OSMR: variants seen among roughly 807,000 people sequenced by gnomAD.
OSMR encodes oncostatin M receptor, also known as oncostatin-M-specific receptor subunit beta.
A neutral mutation model predicts 99.9 loss-of-function variants in OSMR; 81 were observed. The observed-to-expected ratio is 0.81, with a 90% confidence interval of 0.68 to 0.97. The LOEUF is 0.97. Ranked by LOEUF, OSMR falls within the 50% of genes least tolerant of loss-of-function variation. The probability of loss-of-function intolerance (pLI) is 0.00; values close to 1 mark genes in which losing one functional copy is unlikely to be tolerated. For synonymous variants in OSMR, 406 were observed against 410.4 expected, an observed-to-expected ratio of 0.99 and a Z score of 0.13; for missense variants, 1,099 against 1,153.4, an observed-to-expected ratio of 0.95 and a Z score of 0.68.
intron 1 of OSMR, among the ~76,000 whole-genome samples, chr5:38,862,602 G>A (rs1479047304): frequency 1.1e-4 from 17 of 151,344 alleles, no homozygotes; most frequent in South Asian, 4.2e-4. Context: ...CTCCCAGACC[G>A]GGTCGCGGCC....
intron 7 of OSMR, among the ~76,000 whole-genome samples, chr5:38,888,976 C>T (rs112993075): frequency 0.026 from 3,978 of 152,032 alleles, 82 homozygotes; most frequent in South Asian, 0.075. Context: ...CCTTGAGTAT[C>T]GTGAATTTTA....
rs1432375383 is a variant in OSMR, at chr5:38,935,391, G to A, written c.*1947G>A. On this transcript the variant is annotated 3_prime_UTR_variant, in exon 18 of 18. Coordinates refer to ENST00000274276, the MANE Select transcript of OSMR (RefSeq NM_003999.3). ...TTGATTATGTGCTCCTCACGTAGTA[G>A]AAAGCGGTATCCTGATTAGTCTAAC... is the stretch of plus-strand genomic sequence containing the variant. 1.3e-5 allele frequency: 2 copies of A among 151,882 alleles called. No individual in the cohort carries two copies. The highest frequency in any genetic ancestry group is 2.4e-5 in the African/African-American group (1 of 41,216). The allele number at this position is 151,882 out of a possible 1,614,324, so 9.4% of individuals were successfully genotyped here.
intron 1 of OSMR, chr5:38,942,046 C>G (rs1747625387): frequency 2.9e-6 from 1 of 345,646 alleles, no homozygotes; most frequent in Non-Finnish European, 5.2e-6. Context: ...TTGGCTCTTG[C>G]ATACAATGGT....
At chr5:38,862,393 G>A (rs369341017) in intron 1 of OSMR, among the ~76,000 whole-genome samples, 844 of 29,196 alleles carry the variant, frequency 0.029, 33 homozygotes, top group African/African-American at 0.11. Context: ...CTCACCTCCC[G>A]GATGGGGCGG....
At position 38,935,581 on chromosome 5, in the gene OSMR, G is replaced by A. The variant is rs956408260; in HGVS notation, c.*2137G>A. 6.6e-6 allele frequency: 1 copy of A among 152,028 alleles called. No individual in the cohort carries two copies. Among genetic ancestry groups the A allele is most frequent in the Non-Finnish European group, 1.5e-5 (1 of 68,000 alleles). 9.4% of individuals were successfully genotyped at this position (152,028 alleles called of 1,614,324 possible). ...TAGTTTTGTTTAAAAAATAATTCAC[G>A]CAAAATCTTGAAGTCATTTTTGCTA... On this transcript the variant is annotated 3_prime_UTR_variant, in exon 18 of 18. Transcript: ENST00000274276.
At chr5:38,883,614 C>A in intron 4 of OSMR, 1 of 717,230 alleles carries the variant, frequency 1.4e-6, no homozygotes, top group South Asian at 6.3e-5. Flanking sequence ...GTAAGAGCAA[C>A]AGCAGTGGTA....
chr5:38,903,573 A>G (rs1204441049), intron 7 of OSMR, among the ~76,000 whole-genome samples: 2 of 152,144 alleles, frequency 1.3e-5, no homozygotes, highest in Non-Finnish European at 2.9e-5. Flanking sequence ...AGTTCTGTTA[A>G]AATTCTCCGC....
rs372941780 is a variant in OSMR, at chr5:38,876,712, G to C, written c.246+339G>C. 3.5e-4 allele frequency among the ~76,000 whole-genome samples: 53 copies of C among 152,168 alleles called. 1 individual carries two copies. Among genetic ancestry groups the C allele is most frequent in the African/African-American group, 1.1e-3 (46 of 41,502 alleles). On this transcript the variant is annotated intron_variant, in intron 3 of 17. Transcript: ENST00000274276. ...CATTCCTCCTACCTCTTTCTTCTCC[G>C]TCCTCCAGAGATTTTCCTAAATAAG...
intron 1 of OSMR, chr5:38,940,941 G>T: frequency 4.3e-6 from 1 of 232,346 alleles, no homozygotes. Flanking sequence ...ATACACAAAT[G>T]AATTAAAAAA....
chr5:38,882,509 A>T (rs1743369393), intron 4 of OSMR, among the ~76,000 whole-genome samples: 1 of 152,060 alleles, frequency 6.6e-6, no homozygotes, highest in South Asian at 2.1e-4. Context: ...CAGGAGGCAG[A>T]GGTTGCAGTG....
At chr5:38,885,519 T>C (rs1271120377) in intron 6 of OSMR, 35 bp downstream of exon 6, 2 of 1,613,180 alleles carry the variant, frequency 1.2e-6, no homozygotes, top group Non-Finnish European at 8.5e-7. Context: ...TGACAACTTC[T>C]TCCTTGCTTG....
chr5:38,852,966 C>T (rs886302233), intron 1 of OSMR, among the ~76,000 whole-genome samples: 75 of 151,632 alleles, frequency 4.9e-4, no homozygotes, highest in African/African-American at 1.7e-3. Flanking sequence ...CTCCTGACCT[C>T]GTGATCCGCC....
intron 9 of OSMR, among the ~76,000 whole-genome samples, chr5:38,916,414 G>C (rs1745899766): frequency 6.6e-6 from 1 of 152,178 alleles, no homozygotes; most frequent in African/African-American, 2.4e-5. Flanking sequence ...TGGGTGATTT[G>C]AGAAATTAAC....
At chr5:38,925,745 A>G (rs1176072454) in intron 15 of OSMR, among the ~76,000 whole-genome samples, 1 of 152,184 alleles carries the variant, frequency 6.6e-6, no homozygotes, top group Admixed American at 6.5e-5. Flanking sequence ...TCTAGAGAAG[A>G]GTGGTGCTGG....
At chr5:38,892,181 C>T (rs1579722856) in intron 7 of OSMR, among the ~76,000 whole-genome samples, 1 of 149,694 alleles carries the variant, frequency 6.7e-6, no homozygotes, top group African/African-American at 2.4e-5. Flanking sequence ...ATTGCTTCAG[C>T]TGAGAAATCC....
Position 38,881,644 on chromosome 5 carries a change from G to C in OSMR, c.298G>C (p.Glu100Gln). The change falls in exon 4 of 18, where the codon GAA (glutamate) becomes CAA (glutamine). Residue 100 changes from glutamate (E) to glutamine (Q), a missense_variant. Physicochemically the swap from Glu to Gln is conservative, Grantham distance 29. Coordinates refer to ENST00000274276, the MANE Select transcript of OSMR (RefSeq NM_003999.3). Reference sequence around the variant, plus strand: ...GAACCAGGTTCTGCATTGGAGCTGGGAATCTGAGCTCCCTTTGGAATGTGC... The same window carrying C: ...GAACCAGGTTCTGCATTGGAGCTGGCAATCTGAGCTCCCTTTGGAATGTGC... ...KWNQVLHWSW[E>Q]SELPLECATH... 1 of 1,614,176 alleles carries C rather than the reference G, an allele frequency of 6.2e-7. No individual in the cohort carries two copies. Among genetic ancestry groups the C allele is most frequent in the Non-Finnish European group, 8.5e-7 (1 of 1,180,004 alleles).
chr5:38,944,836 T>C, intron 2 of OSMR: 1 of 1,382,260 alleles, frequency 7.2e-7, no homozygotes, highest in Non-Finnish European at 1.0e-6. Context: ...ATTTACAGTA[T>C]TTACGAAAAA....
At chr5:38,943,141 A>G in intron 1 of OSMR, 1 of 449,748 alleles carries the variant, frequency 2.2e-6, no homozygotes, top group Non-Finnish European at 3.8e-6. Context: ...TCACACACTT[A>G]GACATTCTGA....
At position 38,942,240 on chromosome 5, in the gene OSMR, C is replaced by T. The variant is rs982969679; in HGVS notation, c.75-1961C>T. Reference sequence around the variant, plus strand: ...GCCTAGTCAGTCGTATTTTCTGAGGCTTTTAGGAAATCCACAAATATGAAT... The same window carrying T: ...GCCTAGTCAGTCGTATTTTCTGAGGTTTTTAGGAAATCCACAAATATGAAT... On this transcript the variant is annotated intron_variant and NMD_transcript_variant, in intron 1 of 2. Coordinates refer to the OSMR transcript ENST00000508882. 29 of 1,011,250 alleles carry T rather than the reference C, an allele frequency of 2.9e-5. No individual in the cohort carries two copies. The Admixed American group carries it at 5.1e-4, about 18-fold the overall frequency. 62.6% of individuals were successfully genotyped at this position (1,011,250 alleles called of 1,614,324 possible). A position where few individuals can be genotyped will look rare whatever the true frequency, so the allele number is the denominator to read the frequency against.
Sources: allele counts gnomAD v4.1 joint callset (sites outside exome capture counted in the v4.1 genomes callset), GRCh38; gene constraint gnomAD v4.1.1; transcripts MANE v1.5; gene names NCBI Gene and HGNC (gene_info 2026-07-23, HGNC 2026-07-21).